DCC: variants seen among roughly 807,000 people sequenced by gnomAD.
DCC encodes netrin receptor DCC.
In DCC, 58 loss-of-function variants were observed where a neutral mutation model predicts 172.5. The ratio of observed to expected loss-of-function variants is 0.34; its 90% CI spans 0.27 to 0.42. DCC has a LOEUF of 0.42. Among genes scored for constraint, DCC ranks in the 10% least tolerant of loss-of-function variants. The pLI, the probability that DCC is intolerant of heterozygous loss-of-function variation, is 1.00. For synonymous variants in DCC, 709 were observed against 644.5 expected (o/e 1.10, Z -1.52); for missense variants, 1,740 against 1,791.0 (o/e 0.97, Z 0.51).
At chr18:52,992,562 T>C (rs186374471) in intron 5 of DCC, among the ~76,000 whole-genome samples, 1 of 152,310 alleles carries the variant, frequency 6.6e-6, no homozygotes, top group Admixed American at 6.5e-5. Flanking sequence ...CCTTAAAAGA[T>C]GCCAGATACC....
At chr18:52,632,968 C>T (rs2034705089) in intron 1 of DCC, among the ~76,000 whole-genome samples, 1 of 152,012 alleles carries the variant, frequency 6.6e-6, no homozygotes, top group African/African-American at 2.4e-5. Flanking sequence ...AGGCTGTTCC[C>T]CAGGGATAAT....
At chr18:52,426,548 A>T (rs1987433741) in intron 1 of DCC, among the ~76,000 whole-genome samples, 1 of 152,068 alleles carries the variant, frequency 6.6e-6, no homozygotes, top group Non-Finnish European at 1.5e-5. Flanking sequence ...ATTTGCAAAC[A>T]AATCAATAAT....
chr18:52,479,369 T>C (rs575166035), intron 1 of DCC, among the ~76,000 whole-genome samples: 1 of 152,336 alleles, frequency 6.6e-6, no homozygotes, highest in Admixed American at 6.5e-5. Flanking sequence ...AACTTAGCAC[T>C]GTGGAAACAT....
Position 53,530,885 on chromosome 18 carries a change from G to A in DCC, c.*232G>A, listed in dbSNP as rs2046518569. The A allele has an allele frequency of 5.0e-6, 3 of 603,048 alleles. No homozygotes were observed. The highest frequency in any genetic ancestry group is 3.7e-5 in the African/African-American group (2 of 54,162). 37.4% of individuals were successfully genotyped at this position (603,048 alleles called of 1,614,324 possible). ...GAGTTCCCTAAACAAAAGCAAAGAT[G>A]CATTTTCACTGCAATGTCAAAGTTT... On this transcript the variant is annotated 3_prime_UTR_variant, in exon 29 of 29. Transcript: ENST00000442544.
At chr18:52,403,216 A>T (rs2144380869) in intron 1 of DCC, among the ~76,000 whole-genome samples, 1 of 152,218 alleles carries the variant, frequency 6.6e-6, no homozygotes, top group East Asian at 1.9e-4. Flanking sequence ...GTAAGCATTC[A>T]AAAGAATGAT....
At chr18:53,021,800 C>CT (rs1310943300) in intron 5 of DCC, among the ~76,000 whole-genome samples, 1 of 152,140 alleles carries the variant, frequency 6.6e-6, no homozygotes, top group Non-Finnish European at 1.5e-5. Context: ...ACTTGGATGA[C>CT]TTGATGGATT....
chr18:52,419,111 A>C (rs1279887052), intron 1 of DCC: 1 of 152,048 alleles, frequency 6.6e-6, no homozygotes, highest in African/African-American at 2.4e-5. Flanking sequence ...CACCCTCTTC[A>C]GTTCCCCAAA....
At chr18:52,585,804 C>A (rs2033655437) in intron 1 of DCC, among the ~76,000 whole-genome samples, 3 of 152,166 alleles carry the variant, frequency 2.0e-5, no homozygotes, top group Admixed American at 6.5e-5. Context: ...ACACTGTCGG[C>A]CGGGCGCGGT....
chr18:52,790,320 C>A (rs1368881568), intron 2 of DCC, among the ~76,000 whole-genome samples: 1 of 152,168 alleles, frequency 6.6e-6, no homozygotes, highest in African/African-American at 2.4e-5. Flanking sequence ...ACAAAGCACA[C>A]CAGATTTGCT....
At chr18:52,669,118 G>T (rs2035506690) in intron 1 of DCC, among the ~76,000 whole-genome samples, 1 of 152,164 alleles carries the variant, frequency 6.6e-6, no homozygotes, top group South Asian at 2.1e-4. Flanking sequence ...AGTGTTGATT[G>T]GTTAGGTAGG....
chr18:53,458,445 A>AC (rs2045509593), intron 23 of DCC, among the ~76,000 whole-genome samples: 1 of 152,134 alleles, frequency 6.6e-6, no homozygotes, highest in Non-Finnish European at 1.5e-5. Context: ...TAGTTTACTG[A>AC]CCCCCTGCTG....
intron 5 of DCC, among the ~76,000 whole-genome samples, chr18:53,049,237 T>C (rs771730749): frequency 5.3e-5 from 8 of 152,124 alleles, no homozygotes; most frequent in Non-Finnish European, 1.2e-4. Flanking sequence ...TTTTGGCTTC[T>C]TCATCCTGAA....
chr18:53,273,740 T>G (rs2056774192), intron 12 of DCC, among the ~76,000 whole-genome samples: 1 of 151,896 alleles, frequency 6.6e-6, no homozygotes. Context: ...TGCTTTTTTT[T>G]TTTTTACCCC....
intron 1 of DCC, among the ~76,000 whole-genome samples, chr18:52,572,590 C>T (rs543635440): frequency 9.9e-5 from 15 of 152,234 alleles, no homozygotes; most frequent in African/African-American, 3.4e-4. Context: ...TATTGTTGCC[C>T]GTGGGGCTTT....
At chr18:52,544,415 C>T (rs1313812950) in intron 1 of DCC, among the ~76,000 whole-genome samples, 1 of 149,660 alleles carries the variant, frequency 6.7e-6, no homozygotes, top group African/African-American at 2.5e-5. Context: ...CATTTCCTTC[C>T]AGGTAGTTTT....
intron 5 of DCC, among the ~76,000 whole-genome samples, chr18:53,001,832 G>T (rs995773756): frequency 9.9e-5 from 15 of 152,050 alleles, no homozygotes; most frequent in Non-Finnish European, 1.5e-4. Flanking sequence ...ACTTATCCTG[G>T]TCACCTAATG....
At chr18:53,234,401 C>T (rs908088764) in intron 12 of DCC, among the ~76,000 whole-genome samples, 3 of 152,020 alleles carry the variant, frequency 2.0e-5, no homozygotes, top group African/African-American at 7.2e-5. Context: ...GCACTCCAGC[C>T]TGGGCGATAG....
intron 21 of DCC, 76 bp downstream of exon 21, chr18:53,416,232 A>G (rs376657148): frequency 9.6e-7 from 1 of 1,043,640 alleles, no homozygotes; most frequent in Non-Finnish European, 1.5e-6. Context: ...ATTACTTTAT[A>G]TTCCTCTTTT....
At chr18:53,153,334 TGAA>T (rs940125286) in intron 7 of DCC, among the ~76,000 whole-genome samples, 4 of 152,176 alleles carry the variant, frequency 2.6e-5, no homozygotes, top group African/African-American at 9.7e-5. Context: ...GATATACTGA[TGAA>T]GGAGGGATTT....
Sources: allele counts gnomAD v4.1 joint callset (sites outside exome capture counted in the v4.1 genomes callset), GRCh38; gene constraint gnomAD v4.1.1; transcripts MANE v1.5; gene names NCBI Gene and HGNC (gene_info 2026-07-23, HGNC 2026-07-21).